MRPS6: variants seen among roughly 807,000 people sequenced by gnomAD.
MRPS6 encodes the protein mitochondrial ribosomal protein S6, also known as small ribosomal subunit protein bS6m.
MRPS6 carries 6 observed loss-of-function variants against 13.1 expected under a neutral mutation model. The ratio of observed to expected loss-of-function variants is 0.46; its 90% CI spans 0.25 to 0.91. MRPS6 has a LOEUF of 0.91. Among genes scored for constraint, MRPS6 ranks in the 40% least tolerant of loss-of-function variants. The pLI, the probability that MRPS6 is intolerant of heterozygous loss-of-function variation, is 0.18. For synonymous variants in MRPS6, 61 were observed against 56.5 expected (o/e 1.08, Z -0.36); for missense variants, 164 against 155.6 (o/e 1.05, Z -0.29).
At chr21:34,118,226 T>C (rs1220665940) in intron 1 of MRPS6, among the ~76,000 whole-genome samples, 4 of 152,116 alleles carry the variant, frequency 2.6e-5, no homozygotes, top group African/African-American at 9.7e-5. Flanking sequence ...AACTTTGGAC[T>C]CCCCAGAAAC....
intron 1 of MRPS6, chr21:34,099,285 T>C (rs1201963175): frequency 1.0e-6 from 1 of 1,000,138 alleles, no homozygotes; most frequent in African/African-American, 1.7e-5. Context: ...GGCTGCGACA[T>C]GTCCAAGGTT....
chr21:34,132,569 GTCTTTAACTAGGTTT>G (rs956224153), intron 2 of MRPS6, among the ~76,000 whole-genome samples: 44 of 152,318 alleles, frequency 2.9e-4, no homozygotes, highest in African/African-American at 1.1e-3. Context: ...GGATTTCCAG[GTCTTTAACTAGGTTT>G]TCTCTTTATC....
chr21:34,103,384 A>G (rs1979335466), intron 1 of MRPS6: 1 of 998,030 alleles, frequency 1.0e-6, no homozygotes, highest in Non-Finnish European at 1.2e-6. Flanking sequence ...GTTCAGTGAA[A>G]CCAGGTAGTT....
chr21:34,127,338 T>C (rs940831624), intron 2 of MRPS6, among the ~76,000 whole-genome samples: 18 of 152,190 alleles, frequency 1.2e-4, no homozygotes, highest in Admixed American at 5.9e-4. Flanking sequence ...AAGTGTGGTC[T>C]CTGAAACGCT....
intron 1 of MRPS6, chr21:34,097,716 G>GA: frequency 4.0e-6 from 4 of 1,010,888 alleles, no homozygotes; most frequent in Non-Finnish European, 3.6e-6. Flanking sequence ...ACCTTACCCT[G>GA]AAGTAGAAGA....
At chr21:34,082,484 G>A (rs1424880578) in intron 1 of MRPS6, among the ~76,000 whole-genome samples, 1 of 152,122 alleles carries the variant, frequency 6.6e-6, no homozygotes, top group Non-Finnish European at 1.5e-5. Flanking sequence ...TAACCTCTTA[G>A]GTGTTTGAAA....
At chr21:34,090,292 C>T (rs1330059960) in intron 1 of MRPS6, among the ~76,000 whole-genome samples, 1 of 152,200 alleles carries the variant, frequency 6.6e-6, no homozygotes, top group Non-Finnish European at 1.5e-5. Flanking sequence ...GAGGACAGTC[C>T]TATGTGAGTA....
At chr21:34,092,386 G>C (rs1409659073) in intron 1 of MRPS6, among the ~76,000 whole-genome samples, 2 of 152,150 alleles carry the variant, frequency 1.3e-5, no homozygotes. Flanking sequence ...CCACAGAGTG[G>C]TATGGTATCC....
At chr21:34,100,842 A>T (rs1569418380) in intron 1 of MRPS6, 1 of 999,978 alleles carries the variant, frequency 1.0e-6, no homozygotes, top group Non-Finnish European at 1.2e-6. Context: ...GGTTATTTTC[A>T]TTCTTTACCA....
At chr21:34,122,430 C>T (rs1488285976) in intron 1 of MRPS6, 4 of 152,062 alleles carry the variant, frequency 2.6e-5, no homozygotes, top group African/African-American at 9.7e-5. Context: ...TTCCAGTAGT[C>T]TACAGTTTGA....
intron 1 of MRPS6, among the ~76,000 whole-genome samples, chr21:34,119,223 A>G (rs1264215018): frequency 6.6e-6 from 1 of 152,194 alleles, no homozygotes; most frequent in East Asian, 1.9e-4. Flanking sequence ...GGCTTTGCTT[A>G]TGTCATTAGG....
intron 1 of MRPS6, among the ~76,000 whole-genome samples, chr21:34,080,720 A>G (rs980443398): frequency 6.6e-6 from 1 of 152,212 alleles, no homozygotes; most frequent in Non-Finnish European, 1.5e-5. Flanking sequence ...CTAGATTACA[A>G]ATTCTTGAGA....
chr21:34,113,463 CAG>C (rs1979785486), intron 1 of MRPS6, among the ~76,000 whole-genome samples: 1 of 152,186 alleles, frequency 6.6e-6, no homozygotes, highest in Admixed American at 6.5e-5. Flanking sequence ...AAGCCAGACA[CAG>C]AAAGACAACA....
intron 1 of MRPS6, among the ~76,000 whole-genome samples, chr21:34,111,770 C>G (rs570900306): frequency 1.6e-4 from 24 of 152,284 alleles, no homozygotes; most frequent in African/African-American, 5.3e-4. Flanking sequence ...AGGTAGGCCC[C>G]CTGTAAAGTC....
At chr21:34,104,615 G>A in intron 1 of MRPS6, 1 of 1,000,176 alleles carries the variant, frequency 1.0e-6, no homozygotes, top group Non-Finnish European at 1.2e-6. Context: ...ACACTTTGAG[G>A]GAGAGATTAT....
chr21:34,134,080 T>G (rs1980602138), intron 2 of MRPS6, among the ~76,000 whole-genome samples: 1 of 152,128 alleles, frequency 6.6e-6, no homozygotes, highest in Admixed American at 6.5e-5. Context: ...GAGGTGGTGA[T>G]TTGAGGTTGA....
chr21:34,073,872 CGGCG>C, intron 1 of MRPS6, 127 bp downstream of exon 1: 1 of 437,760 alleles, frequency 2.3e-6, no homozygotes, highest in Non-Finnish European at 3.1e-6. Context: ...GAGGCCGGGG[CGGCG>C]GGCGGGCGGC....
At chr21:34,111,018 T>C (rs1202888274) in intron 1 of MRPS6, among the ~76,000 whole-genome samples, 1 of 152,084 alleles carries the variant, frequency 6.6e-6, no homozygotes, top group Non-Finnish European at 1.5e-5. Flanking sequence ...AACATGGTAC[T>C]AAATAGACAG....
chr21:34,099,072 T>C, intron 1 of MRPS6: 24 of 999,326 alleles, frequency 2.4e-5, no homozygotes, highest in Non-Finnish European at 2.9e-5. Flanking sequence ...TTAGAAATTG[T>C]CAGGTAGCAT....
Sources: allele counts gnomAD v4.1 joint callset (sites outside exome capture counted in the v4.1 genomes callset), GRCh38; gene constraint gnomAD v4.1.1; transcripts MANE v1.5; gene names NCBI Gene and HGNC (gene_info 2026-07-23, HGNC 2026-07-21).